The following ZNF407 variants were observed in gnomAD, a reference collection of about 807,000 sequenced individuals.
ZNF407 encodes the protein zinc finger protein 407.
A neutral mutation model predicts 131.2 loss-of-function variants in ZNF407; 17 were observed. The ratio of observed to expected loss-of-function variants is 0.13; its 90% confidence interval spans 0.09 to 0.19. The LOEUF (loss-of-function observed/expected upper bound fraction) is 0.19. ZNF407 is among the 10% of genes least tolerant of loss of function. ZNF407 has a pLI of 1.00. For missense variants in ZNF407, 2,681 were observed against 2,830.6 expected, an observed-to-expected ratio of 0.95 and a Z score of 1.20; for synonymous variants, 1,156 against 1,062.0, an observed-to-expected ratio of 1.09 and a Z score of -1.72.
chr18:74,635,528 A>G lies in ZNF407; in HGVS notation c.4509A>G (p.Leu1503=). 1.2e-6 allele frequency: 2 copies of G among 1,612,970 alleles called. No homozygotes were observed. Among genetic ancestry groups the G allele is most frequent in the South Asian group, 1.1e-5 (1 of 90,920 alleles). The change falls in exon 2 of 9, where the codon TTA becomes TTG. Residue 1503 remains leucine, a synonymous_variant. Transcript: ENST00000299687. The surrounding 1 kb of genome is among the most constrained non-coding windows in gnomAD (Gnocchi z 4.7). ...TTGATTCTGAACAGAATTTATTTTT[A>G]CATATTAAAGGACAGCATGAGGAAT... The part of the protein sequence containing the change: ...EPFDSEQNLF[L]HIKGQHEELL...
rs1025342176 is a variant in ZNF407 at position 75,018,788 on chromosome 18, T to C, written c.5429-44362T>C. The stretch of plus-strand genomic sequence containing the variant: ...CCTTTGTTTTACTTTTTTTAATTTC[T>C]GGAAAGTTTTATGTGGCAAAGAAAT... On this transcript the variant is annotated intron_variant, in intron 8 of 8. Transcript: ENST00000299687. 7.2e-5 allele frequency among the ~76,000 whole-genome samples: 11 copies of C among 152,258 alleles called. 1 individual carries two copies. Among genetic ancestry groups the C allele is most frequent in the African/African-American group, 2.6e-4 (11 of 41,556 alleles).
At chr18:74,876,629 T>C (rs974187869) in intron 4 of ZNF407, among the ~76,000 whole-genome samples, 1 of 152,212 alleles carries the variant, frequency 6.6e-6, no homozygotes, top group African/African-American at 2.4e-5. Flanking sequence ...TGTAAAAATG[T>C]ATAGTTACGA....
chr18:75,001,657 C>G (rs760154262), intron 8 of ZNF407, among the ~76,000 whole-genome samples: 1 of 152,204 alleles, frequency 6.6e-6, no homozygotes, highest in Non-Finnish European at 1.5e-5. Flanking sequence ...CCAAATATCT[C>G]CAACCCTGTA....
At chr18:74,883,398 T>C (rs968846200) in intron 6 of ZNF407, among the ~76,000 whole-genome samples, 1 of 152,186 alleles carries the variant, frequency 6.6e-6, no homozygotes, top group African/African-American at 2.4e-5. Context: ...TCTGACGTAT[T>C]CCTCTTTGAC....
At chr18:74,642,152 G>A (rs1984752391) in intron 3 of ZNF407, among the ~76,000 whole-genome samples, 1 of 151,992 alleles carries the variant, frequency 6.6e-6, no homozygotes, top group African/African-American at 2.4e-5. Context: ...TTGACCCTTA[G>A]GATAGTTTTA....
In ZNF407 at chr18:75,021,425, G is replaced by A. The variant is rs143723123; in HGVS notation, c.5429-41725G>A. Among the ~76,000 whole-genome samples, 1,453 of 151,948 alleles carry A rather than the reference G, an allele frequency of 9.6e-3. 19 individuals carry two copies. The highest frequency in any genetic ancestry group is 0.028 in the African/African-American group (1,143 of 41,434). On this transcript the variant is annotated intron_variant, in intron 8 of 8. Coordinates refer to ENST00000299687, the MANE Select transcript of ZNF407 (RefSeq NM_017757.3). ...GCTGGTACCACAGGCACTCACCACA[G>A]CACCTGGCTAATTTTTTATTTTTTT...
intron 3 of ZNF407, among the ~76,000 whole-genome samples, chr18:74,684,521 G>A (rs1315765129): frequency 6.6e-6 from 1 of 152,190 alleles, no homozygotes; most frequent in Non-Finnish European, 1.5e-5. Flanking sequence ...GTCACGTTCA[G>A]TTATAAGCAC....
intron 4 of ZNF407, among the ~76,000 whole-genome samples, chr18:74,829,978 A>C (rs1437793748): frequency 6.6e-6 from 1 of 152,052 alleles, no homozygotes; most frequent in Non-Finnish European, 1.5e-5. Flanking sequence ...AGGTTCTATG[A>C]GTTTATAAGG....
intron 3 of ZNF407, among the ~76,000 whole-genome samples, chr18:74,741,215 T>G (rs1968540325): frequency 6.6e-6 from 1 of 152,108 alleles, no homozygotes; most frequent in Non-Finnish European, 1.5e-5. Flanking sequence ...TATAGTCAGG[T>G]CGGGAGCATT....
chr18:74,994,828 AT>A (rs1372013126), intron 8 of ZNF407, among the ~76,000 whole-genome samples: 3 of 152,200 alleles, frequency 2.0e-5, no homozygotes, highest in Non-Finnish European at 2.9e-5. Context: ...TGTGGACAGA[AT>A]TCTGGGAGTG....
intron 8 of ZNF407, among the ~76,000 whole-genome samples, chr18:74,958,247 G>A (rs143903836): frequency 1.9e-3 from 286 of 152,282 alleles, no homozygotes; most frequent in Non-Finnish European, 3.3e-3. Flanking sequence ...GAACACTGTC[G>A]TCGTTGTCAT....
At chr18:74,949,267 C>CT (rs1451944204) in intron 8 of ZNF407, among the ~76,000 whole-genome samples, 2 of 152,186 alleles carry the variant, frequency 1.3e-5, no homozygotes, top group Non-Finnish European at 2.9e-5. Context: ...GAACTATGAG[C>CT]TAGTGGGTCT....
chr18:74,730,455 A>G (rs898380683), intron 3 of ZNF407, among the ~76,000 whole-genome samples: 4 of 152,174 alleles, frequency 2.6e-5, no homozygotes, highest in Non-Finnish European at 5.9e-5. Flanking sequence ...AAAAGAAGCA[A>G]TTGCTGCCTT....
At chr18:74,814,625 A>C (rs760693049) in intron 4 of ZNF407, among the ~76,000 whole-genome samples, 1 of 152,226 alleles carries the variant, frequency 6.6e-6, no homozygotes, top group Non-Finnish European at 1.5e-5. Flanking sequence ...TGGATAGTAT[A>C]TGAGAAACAG....
chr18:74,982,824 G>A (rs1182375306), intron 8 of ZNF407, among the ~76,000 whole-genome samples: 4 of 152,150 alleles, frequency 2.6e-5, no homozygotes, highest in Non-Finnish European at 5.9e-5. Context: ...ATCACTGATA[G>A]GTCTTGTCAT....
chr18:74,943,479 C>G lies in ZNF407; in HGVS notation c.5428+22787C>G, dbSNP rs78167465. On this transcript the variant is annotated intron_variant, in intron 8 of 8. Transcript: ENST00000299687. The stretch of plus-strand genomic sequence containing the variant: ...GACCATGAAAACACAGTTTGTTTGT[C>G]ACCCATAAGGCGTAGAAATGCATAT... 5.2e-3 allele frequency among the ~76,000 whole-genome samples: 795 copies of G among 152,254 alleles called. 6 individuals are homozygous for G. The highest frequency in any genetic ancestry group is 0.018 in the African/African-American group (730 of 41,530).
intron 8 of ZNF407, among the ~76,000 whole-genome samples, chr18:74,989,568 G>A (rs910384119): frequency 4.6e-5 from 7 of 152,254 alleles, no homozygotes; most frequent in South Asian, 2.1e-4. Context: ...TTGGCTGGGG[G>A]CGGTGGCTCA....
chr18:74,757,294 A>C (rs1211539161), intron 3 of ZNF407, among the ~76,000 whole-genome samples: 2 of 152,006 alleles, frequency 1.3e-5, no homozygotes, highest in Non-Finnish European at 1.5e-5. Flanking sequence ...TAAAGATATA[A>C]ATTTCCCTGT....
rs771624209 is a variant in ZNF407, at chr18:74,632,160, A to C, written c.1141A>C (p.Lys381Gln). The change falls in exon 2 of 9, where the codon AAG becomes CAG. Residue 381 changes from lysine to glutamine, a missense_variant. By Grantham distance (53) the Lys-to-Gln change is moderately conservative. Transcript: ENST00000299687. ...TCAGAATCCTGAAAACCAGAGTAGAAAGCTAGACACCTTAGTAACCTCAGA... is the reference window on the plus strand; with the variant it reads ...TCAGAATCCTGAAAACCAGAGTAGACAGCTAGACACCTTAGTAACCTCAGA... ...LAQNPENQSR[K>Q]LDTLVTSEGL... 1 of 1,613,992 alleles carries C rather than the reference A, an allele frequency of 6.2e-7. No individual in the cohort carries two copies. Among genetic ancestry groups the C allele is most frequent in the South Asian group, 1.1e-5 (1 of 91,084 alleles).
Sources: gnomAD v4.1 joint callset for allele counts (sites outside exome capture counted in the v4.1 genomes callset) on GRCh38, gnomAD v4.1.1 for gene constraint, Gnocchi (gnomAD v3.1) non-coding constraint, MANE v1.5 for transcripts, NCBI Gene and HGNC (gene_info 2026-07-23, HGNC 2026-07-21) for gene names.